FARP2: variants seen among roughly 807,000 people sequenced by gnomAD.
FARP2 encodes the protein FERM, ARHGEF and pleckstrin domain-containing protein 2.
In FARP2, 111 loss-of-function variants were observed where a neutral mutation model predicts 130.5. The observed-to-expected ratio is 0.85, with a 90% CI of 0.73 to 1.00. The LOEUF (loss-of-function observed/expected upper bound fraction) is 1.00. Ranked by LOEUF, FARP2 falls within the 50% of genes least tolerant of loss-of-function variation. The pLI, the probability that FARP2 is intolerant of heterozygous loss-of-function variation, is 0.00. For synonymous variants in FARP2, 504 were observed against 516.9 expected, an observed-to-expected ratio of 0.98 and a Z score of 0.34; for missense variants, 1,385 against 1,346.3, an observed-to-expected ratio of 1.03 and a Z score of -0.45.
intron 8 of FARP2, among the ~76,000 whole-genome samples, chr2:241,425,016 T>C (rs1448086274): frequency 6.6e-6 from 1 of 152,058 alleles, no homozygotes; most frequent in East Asian, 1.9e-4. Context: ...AAGACCAGCC[T>C]GGGGCCAACA....
chr2:241,490,699 G>A (rs2064868783), intron 22 of FARP2, among the ~76,000 whole-genome samples: 4 of 152,186 alleles, frequency 2.6e-5, no homozygotes, highest in African/African-American at 9.7e-5. Context: ...AGGGCACTCA[G>A]TTCCCACCAG....
chr2:241,466,553 C>G (rs1397477916), intron 17 of FARP2: 1 of 985,324 alleles, frequency 1.0e-6, no homozygotes, highest in Non-Finnish European at 1.2e-6. Flanking sequence ...GGCTTGGCCA[C>G]TTCCACCTCC....
chr2:241,384,755 A>AT (rs1267214108), intron 2 of FARP2, among the ~76,000 whole-genome samples: 3 of 152,176 alleles, frequency 2.0e-5, no homozygotes, highest in Non-Finnish European at 2.9e-5. Context: ...TATTAAAGCA[A>AT]TTTTCAATTA....
chr2:241,407,982 G>T (rs530705095), intron 5 of FARP2, among the ~76,000 whole-genome samples: 2 of 152,170 alleles, frequency 1.3e-5, no homozygotes, highest in Non-Finnish European at 2.9e-5. Context: ...GAAGTACCCA[G>T]TGTGTTAGTT....
intron 21 of FARP2, chr2:241,488,905 A>C (rs376236553): frequency 1.3e-5 from 2 of 152,144 alleles, no homozygotes; most frequent in East Asian, 3.9e-4. Context: ...TGAGATAGTC[A>C]CTGTTTGGTG....
chr2:241,491,228 G>A (rs1244182098), intron 23 of FARP2, 49 bp downstream of exon 23: 2 of 1,347,966 alleles, frequency 1.5e-6, no homozygotes, highest in Non-Finnish European at 2.1e-6. Context: ...CACCTAAGGA[G>A]GCTTTTTTTG....
chr2:241,470,746 G>C (rs11687481), intron 18 of FARP2, among the ~76,000 whole-genome samples: 29,798 of 151,816 alleles, frequency 0.2, 3,130 homozygotes, highest in Middle Eastern at 0.26. Flanking sequence ...CTCTGAGGGA[G>C]GGGTCCATAC....
At chr2:241,439,609 G>A (rs536331842) in intron 12 of FARP2, among the ~76,000 whole-genome samples, 130 of 152,200 alleles carry the variant, frequency 8.5e-4, no homozygotes, top group African/African-American at 2.9e-3. Context: ...GATTACAGGC[G>A]TGAGCCACCA....
intron 12 of FARP2, among the ~76,000 whole-genome samples, chr2:241,438,144 C>CT (rs956506745): frequency 4.6e-5 from 7 of 152,296 alleles, no homozygotes; most frequent in Non-Finnish European, 1.0e-4. Flanking sequence ...TATCATAACT[C>CT]TTTCTTCATG....
In FARP2 at chr2:241,462,554, T is replaced by G. The variant is rs2064051086; in HGVS notation, c.1619T>G (p.Val540Gly). 6.2e-7 allele frequency: 1 copy of G among 1,614,038 alleles called. No individual in the cohort carries two copies. Among genetic ancestry groups the G allele is most frequent in the Non-Finnish European group, 8.5e-7 (1 of 1,179,860 alleles). ...RVPADEAYFI[V>G]KEILATERTY... ...CCTGCAGACGAGGCCTACTTCATAG[T>G]CAAAGAGATTCTCGCTACAGAACGA... The change falls in exon 15 of 27, where the codon GTC (valine) becomes GGC (glycine). Residue 540 changes from valine to glycine, a missense_variant. Coordinates refer to ENST00000264042, the MANE Select transcript of FARP2 (RefSeq NM_014808.4).
At chr2:241,485,261 C>T (rs1346185887) in intron 21 of FARP2, among the ~76,000 whole-genome samples, 1 of 151,232 alleles carries the variant, frequency 6.6e-6, no homozygotes, top group Non-Finnish European at 1.5e-5. Context: ...CTGGGATCCT[C>T]CTTTCCTAGG....
chr2:241,493,555 C>CT, intron 26 of FARP2, 111 bp downstream of exon 26: 1 of 930,344 alleles, frequency 1.1e-6, no homozygotes. Flanking sequence ...AAAGGAAGGG[C>CT]TGAGCAATGC....
intron 12 of FARP2, among the ~76,000 whole-genome samples, chr2:241,437,858 G>C (rs2063282592): frequency 6.6e-6 from 1 of 151,904 alleles, no homozygotes; most frequent in Non-Finnish European, 1.5e-5. Flanking sequence ...GTAGAGACGG[G>C]GTTTCACTGT....
At chr2:241,413,899 G>A (rs2062593806) in intron 7 of FARP2, among the ~76,000 whole-genome samples, 1 of 150,440 alleles carries the variant, frequency 6.6e-6, no homozygotes, top group South Asian at 2.1e-4. Context: ...ACAAGATCGT[G>A]CCACTACACT....
intron 14 of FARP2, among the ~76,000 whole-genome samples, chr2:241,461,918 T>G (rs1405607430): frequency 6.6e-6 from 1 of 152,228 alleles, no homozygotes. Context: ...AGGCATGTGC[T>G]TTGCCAGGAA....
In FARP2 at chr2:241,494,141, GGT is replaced by G; in HGVS notation, c.*17_*18del. On this transcript the variant is annotated 3_prime_UTR_variant, in exon 27 of 27. Coordinates refer to ENST00000264042, the MANE Select transcript of FARP2 (RefSeq NM_014808.4). The surrounding 1 kb of genome is among the most constrained non-coding windows in gnomAD (Gnocchi z 4.9). The stretch of plus-strand genomic sequence containing the variant: ...GGAGGAATGACGCTCAACCTGCCCA[GGT>G]TTGGACACAACTACAAAGAACAGCA... The G allele has an allele frequency of 7.0e-7, 1 of 1,423,550 alleles. No homozygotes were observed. The allele number at this position is 1,423,550 out of a possible 1,614,324, so 88.2% of individuals were successfully genotyped here. A position where few individuals can be genotyped will look rare whatever the true frequency, so the allele number is the denominator to read the frequency against.
At chr2:241,407,923 G>T (rs2062405269) in intron 5 of FARP2, among the ~76,000 whole-genome samples, 1 of 152,176 alleles carries the variant, frequency 6.6e-6, no homozygotes, top group Non-Finnish European at 1.5e-5. Context: ...GGTTCTCAGG[G>T]ATTTTGCTCA....
At chr2:241,406,565 G>A (rs1009761474) in intron 4 of FARP2, among the ~76,000 whole-genome samples, 29 of 151,486 alleles carry the variant, frequency 1.9e-4, no homozygotes, top group African/African-American at 6.5e-4. Flanking sequence ...TCCCACCTTG[G>A]CCTCCCAAGT....
At chr2:241,401,819 G>A (rs1574742233) in intron 2 of FARP2, among the ~76,000 whole-genome samples, 18 of 8,168 alleles carry the variant, frequency 2.2e-3, no homozygotes, top group African/African-American at 4.7e-3. Context: ...AGTTTCGCTC[G>A]TCGCCCAGGC....
Sources: allele counts gnomAD v4.1 joint callset (sites outside exome capture counted in the v4.1 genomes callset), GRCh38; gene constraint gnomAD v4.1.1; non-coding constraint Gnocchi (gnomAD v3.1); transcripts MANE v1.5; gene names NCBI Gene and HGNC (gene_info 2026-07-23, HGNC 2026-07-21).